Variants in TSEN15 observed in about 807,000 individuals in gnomAD.
TSEN15 encodes tRNA splicing endonuclease subunit 15.
A neutral mutation model predicts 20.5 loss-of-function variants in TSEN15; 10 were observed. The ratio of observed to expected loss-of-function variants is 0.49; its 90% CI spans 0.30 to 0.83. The LOEUF is 0.83. Ranked by LOEUF, TSEN15 falls within the 40% of genes least tolerant of loss-of-function variation. The pLI is 0.06. For missense variants in TSEN15, 180 were observed against 218.6 expected, an observed-to-expected ratio of 0.82 and a Z score of 1.11; for synonymous variants, 72 against 80.1, an observed-to-expected ratio of 0.90 and a Z score of 0.54.
intron 4 of TSEN15, 109 bp from the exon 5 acceptor site, chr1:184,072,718 A>C (rs1435985054): frequency 5.7e-6 from 5 of 879,826 alleles, no homozygotes; most frequent in Non-Finnish European, 9.1e-6. Context: ...ATTTCTTTAC[A>C]TACTTTGTTG....
At chr1:184,094,138 A>G (rs975332087) in intron 3 of TSEN15, 3 of 152,060 alleles carry the variant, frequency 2.0e-5, no homozygotes, top group Non-Finnish European at 4.4e-5. Context: ...TATTATTATC[A>G]TCTTGGAATG....
downstream of TSEN15, among the ~76,000 whole-genome samples, chr1:184,075,599 C>T (rs1651044084): frequency 6.6e-6 from 1 of 151,980 alleles, no homozygotes; most frequent in Non-Finnish European, 1.5e-5. Flanking sequence ...CAAACTAAAA[C>T]AATTCATTTG....
chr1:184,086,480 G>C (rs1651263941), intron 3 of TSEN15, among the ~76,000 whole-genome samples: 1 of 152,184 alleles, frequency 6.6e-6, no homozygotes, highest in Admixed American at 6.5e-5. Flanking sequence ...AATAGTTTTT[G>C]TGGTTCAGAA....
intron 3 of TSEN15, among the ~76,000 whole-genome samples, chr1:184,090,562 C>T (rs1651339196): frequency 6.6e-6 from 1 of 152,190 alleles, no homozygotes; most frequent in African/African-American, 2.4e-5. Context: ...TAGAAGCAGT[C>T]TAAAGACCTA....
At position 184,073,681 on chromosome 1, in the gene TSEN15, C is replaced by T. The variant is rs143992374; in HGVS notation, c.*834C>T. The stretch of plus-strand genomic sequence containing the variant: ...TTCCAAGTGACATTACTTTTAGTAG[C>T]CCAAATTATAAACCACTTTAAAGTT... On this transcript the variant is annotated 3_prime_UTR_variant, in exon 5 of 5. Coordinates refer to ENST00000645668, the MANE Select transcript of TSEN15 (RefSeq NM_052965.4). The T allele has an allele frequency of 7.9e-4, 121 of 152,636 alleles. 2 individuals carry two copies. In the East Asian group the frequency reaches 0.02, roughly 26 times the overall value. The allele number at this position is 152,636 out of a possible 1,614,324, so 9.5% of individuals were successfully genotyped here.
rs775678783 is a variant in TSEN15 at position 184,072,883 on chromosome 1, AG to A, written c.*37del. On this transcript the variant is annotated 3_prime_UTR_variant, in exon 5 of 5. Transcript: ENST00000645668. ...TCCTGATGCTTGTTTTATTCATACA[AG>A]ATTGGATTTGAGACCCATCAGACTG... The A allele has an allele frequency of 1.1e-5, 17 of 1,594,854 alleles. No individual in the cohort carries two copies. The highest frequency in any genetic ancestry group is 1.7e-6 in the Non-Finnish European group (2 of 1,171,380).
chr1:184,054,670 G>C, intron 2 of TSEN15, 58 bp from the exon 3 acceptor site: 1 of 1,565,382 alleles, frequency 6.4e-7, no homozygotes, highest in Non-Finnish European at 8.7e-7. Context: ...TAGAAGTTTG[G>C]AGTTTTTATT....
intron 3 of TSEN15, among the ~76,000 whole-genome samples, chr1:184,083,972 A>C (rs1378580433): frequency 4.6e-5 from 7 of 152,126 alleles, no homozygotes; most frequent in African/African-American, 1.7e-4. Flanking sequence ...GGGCCTTATT[A>C]ATCCACCATT....
chr1:184,055,568 C>A (rs1368964131), intron 3 of TSEN15, among the ~76,000 whole-genome samples: 1 of 152,026 alleles, frequency 6.6e-6, no homozygotes, highest in Non-Finnish European at 1.5e-5. Context: ...ATAAGATGTA[C>A]CATGTAATAC....
intron 3 of TSEN15, among the ~76,000 whole-genome samples, chr1:184,088,107 G>A (rs1018952139): frequency 4.6e-5 from 7 of 152,136 alleles, no homozygotes; most frequent in South Asian, 2.1e-4. Flanking sequence ...AAGAAAGACC[G>A]GAGCCACCTC....
intron 3 of TSEN15, among the ~76,000 whole-genome samples, chr1:184,056,435 T>G (rs1340269094): frequency 6.6e-6 from 1 of 152,156 alleles, no homozygotes; most frequent in African/African-American, 2.4e-5. Context: ...TATGAATTCT[T>G]TATATATTCT....
rs139116812 is a variant in TSEN15 at position 184,081,046 on chromosome 1, T to G, written c.354-14644T>G. Among the ~76,000 whole-genome samples, 415 of 152,320 alleles carry G rather than the reference T, an allele frequency of 2.7e-3. 3 individuals are homozygous for G. Among genetic ancestry groups the G allele is most frequent in the Admixed American group, 0.014 (210 of 15,292 alleles). ...GATTCAATAGGTCAAATTAATCAGC[T>G]TAACTGTTACAAGAATTTCTAAATG... On this transcript the variant is annotated intron_variant, in intron 3 of 3. Coordinates refer to the TSEN15 transcript ENST00000643231.
intron 3 of TSEN15, among the ~76,000 whole-genome samples, chr1:184,067,737 G>A (rs982466448): frequency 2.0e-5 from 3 of 151,586 alleles, no homozygotes; most frequent in African/African-American, 7.3e-5. Context: ...GGCCAACATG[G>A]CAAAACCCCG....
At chr1:184,066,905 T>C (rs570003362) in intron 3 of TSEN15, among the ~76,000 whole-genome samples, 1 of 152,358 alleles carries the variant, frequency 6.6e-6, no homozygotes, top group Admixed American at 6.5e-5. Context: ...GAACATGGAC[T>C]ATCTCTCCAT....
chr1:184,074,734 A>G (rs1389896670), downstream of TSEN15, among the ~76,000 whole-genome samples: 1 of 152,178 alleles, frequency 6.6e-6, no homozygotes, highest in African/African-American at 2.4e-5. Context: ...GATGAAAATT[A>G]GGAACATCAC....
At chr1:184,094,131 T>A (rs1028879851) in intron 3 of TSEN15, 3 of 152,166 alleles carry the variant, frequency 2.0e-5, no homozygotes, top group Admixed American at 6.5e-5. Flanking sequence ...TATTAGCTAT[T>A]ATTATCATCT....
chr1:184,069,839 T>G (rs928132097), intron 3 of TSEN15, among the ~76,000 whole-genome samples: 1 of 152,046 alleles, frequency 6.6e-6, no homozygotes, highest in African/African-American at 2.4e-5. Flanking sequence ...CAAGAAACTG[T>G]AAGACTTCTG....
At chr1:184,081,050 C>T (rs1407465804) in intron 3 of TSEN15, among the ~76,000 whole-genome samples, 1 of 152,188 alleles carries the variant, frequency 6.6e-6, no homozygotes, top group Non-Finnish European at 1.5e-5. Flanking sequence ...ATCAGCTTAA[C>T]TGTTACAAGA....
At chr1:184,062,785 C>T (rs1302705571) in intron 3 of TSEN15, among the ~76,000 whole-genome samples, 3 of 151,520 alleles carry the variant, frequency 2.0e-5, no homozygotes, top group African/African-American at 7.3e-5. Context: ...CCAATGTCAC[C>T]TCCCAATTCT....
Sources: allele counts gnomAD v4.1 joint callset (sites outside exome capture counted in the v4.1 genomes callset), GRCh38; gene constraint gnomAD v4.1.1; transcripts MANE v1.5; gene names NCBI Gene and HGNC (gene_info 2026-07-23, HGNC 2026-07-21).